CALD1: variants seen among roughly 807,000 people sequenced by gnomAD.
The protein encoded by CALD1 is caldesmon.
Under a neutral mutation model 99.9 loss-of-function variants are expected in CALD1, and 33 were observed. That is an observed-to-expected ratio of 0.33 (90% CI 0.25 to 0.44). CALD1 has a LOEUF of 0.44. CALD1 is among the 20% of genes least tolerant of loss of function. The pLI, the probability that CALD1 is intolerant of heterozygous loss-of-function variation, is 1.00. For missense variants in CALD1, 861 were observed against 962.1 expected, an observed-to-expected ratio of 0.89 and a Z score of 1.39; for synonymous variants, 310 against 325.0, an observed-to-expected ratio of 0.95 and a Z score of 0.50.
Position 134,965,296 on chromosome 7 carries a change from T to C in CALD1, c.2296-10T>C. 1 of 1,498,932 alleles carries C rather than the reference T, an allele frequency of 6.7e-7. No individual in the cohort carries two copies. Among genetic ancestry groups the C allele is most frequent in the South Asian group, 1.1e-5 (1 of 88,678 alleles). 92.9% of individuals were successfully genotyped at this position (1,498,932 alleles called of 1,614,324 possible). On this transcript the variant is annotated splice_polypyrimidine_tract_variant and intron_variant, in intron 13 of 14. Transcript: ENST00000361675. Reference sequence around the variant, plus strand: ...CACCTATCGATGTTTTTCTGCTTCCTTTTTATCAGGACTTGAGACCAGGAG... The same window carrying C: ...CACCTATCGATGTTTTTCTGCTTCCCTTTTATCAGGACTTGAGACCAGGAG...
At chr7:134,831,941 G>C (rs1364915105) in intron 1 of CALD1, among the ~76,000 whole-genome samples, 1 of 152,218 alleles carries the variant, frequency 6.6e-6, no homozygotes, top group African/African-American at 2.4e-5. Context: ...GCGCTTGGAA[G>C]ACATCCAAGC....
chr7:134,759,244 A>G lies in CALD1; in HGVS notation c.-130+14881A>G, dbSNP rs558016717. 2.0e-5 allele frequency among the ~76,000 whole-genome samples: 3 copies of G among 152,340 alleles called. 1 individual carries two copies. In the South Asian group the frequency reaches 6.2e-4, roughly 32 times the overall value. On this transcript the variant is annotated intron_variant, in intron 1 of 13. Coordinates refer to the CALD1 transcript ENST00000417172. Reference sequence around the variant, plus strand: ...ACTGATGCTCTCTTCTGGGCACTGCAGAGTTCATGAGAAAAAAATAGATCT... The same window carrying G: ...ACTGATGCTCTCTTCTGGGCACTGCGGAGTTCATGAGAAAAAAATAGATCT...
upstream of CALD1, among the ~76,000 whole-genome samples, chr7:134,739,914 T>C (rs750492125): frequency 1.3e-5 from 2 of 151,698 alleles, no homozygotes; most frequent in African/African-American, 2.4e-5. Flanking sequence ...TTAAGTCACC[T>C]ATTAAATGAT....
intron 3 of CALD1, among the ~76,000 whole-genome samples, chr7:134,927,844 C>A (rs1168546689): frequency 6.7e-6 from 1 of 149,172 alleles, no homozygotes; most frequent in Non-Finnish European, 1.5e-5. Flanking sequence ...AAACAAAATC[C>A]AAGCAAAGAA....
chr7:134,792,259 C>G (rs181828223), intron 1 of CALD1, among the ~76,000 whole-genome samples: 1 of 149,912 alleles, frequency 6.7e-6, no homozygotes, highest in African/African-American at 2.5e-5. Flanking sequence ...TCTTTCTGAA[C>G]GTGTATCTGC....
upstream of CALD1, among the ~76,000 whole-genome samples, chr7:134,743,467 G>A (rs563733178): frequency 1.1e-4 from 17 of 152,262 alleles, no homozygotes; most frequent in South Asian, 2.5e-3. Flanking sequence ...TCTAAGGGGG[G>A]TGGGAATTGG....
chr7:134,891,558 G>C, intron 3 of CALD1: 1 of 1,564,942 alleles, frequency 6.4e-7, no homozygotes, highest in Non-Finnish European at 8.7e-7. Flanking sequence ...CCCACGCCCT[G>C]ACCGCCCGGC....
At chr7:134,883,976 C>G (rs959773104) in intron 3 of CALD1, among the ~76,000 whole-genome samples, 7 of 152,176 alleles carry the variant, frequency 4.6e-5, no homozygotes, top group Non-Finnish European at 8.8e-5. Flanking sequence ...GTGGCACATG[C>G]CTGTAATCCC....
intron 4 of CALD1, among the ~76,000 whole-genome samples, chr7:134,929,971 A>G (rs1586341318): frequency 6.6e-6 from 1 of 152,160 alleles, no homozygotes; most frequent in African/African-American, 2.4e-5. Flanking sequence ...ATGTTAGTTT[A>G]GTAGAGTCCT....
At chr7:134,757,904 G>A (rs199764919) in intron 1 of CALD1, among the ~76,000 whole-genome samples, 1 of 151,922 alleles carries the variant, frequency 6.6e-6, no homozygotes, top group South Asian at 2.1e-4. Flanking sequence ...AAAAAAAAAG[G>A]AGTCCAGCAA....
chr7:134,824,036 A>C (rs1343162545), intron 1 of CALD1, among the ~76,000 whole-genome samples: 1 of 152,150 alleles, frequency 6.6e-6, no homozygotes, highest in East Asian at 1.9e-4. Context: ...ATGTCATGAA[A>C]GTAGAAGATT....
intron 1 of CALD1, among the ~76,000 whole-genome samples, chr7:134,822,450 C>A (rs1798820184): frequency 6.6e-6 from 1 of 152,122 alleles, no homozygotes; most frequent in African/African-American, 2.4e-5. Context: ...ACTTGTCAAA[C>A]AAGAAAGACA....
chr7:134,917,413 G>A (rs1006417422), intron 3 of CALD1, among the ~76,000 whole-genome samples: 9 of 152,066 alleles, frequency 5.9e-5, no homozygotes, highest in African/African-American at 2.2e-4. Flanking sequence ...CAATGGCGTG[G>A]TCTCAGCTTA....
At chr7:134,728,409 A>G in the CALD1 span, among the ~76,000 whole-genome samples, 3 of 152,228 alleles carry the variant, frequency 2.0e-5, no homozygotes, top group South Asian at 2.1e-4. Flanking sequence ...GCTTGGTTAC[A>G]GCTCAGCGTT....
chr7:134,968,888 G>T lies in CALD1; in HGVS notation c.*543G>T. ...AAAAAAAAAGAAATGTACTGTTAAG[G>T]TATTACTTTTTTTCATGCTGATGAT... On this transcript the variant is annotated 3_prime_UTR_variant, in exon 15 of 15. Coordinates refer to ENST00000361675, the MANE Select transcript of CALD1 (RefSeq NM_033138.4). 5.7e-6 allele frequency: 1 copy of T among 174,458 alleles called. No individual in the cohort carries two copies. The highest frequency in any genetic ancestry group is 1.3e-5 in the Non-Finnish European group (1 of 79,460). 10.8% of individuals were successfully genotyped at this position (174,458 alleles called of 1,614,324 possible). A position where few individuals can be genotyped will look rare whatever the true frequency, so the allele number is the denominator to read the frequency against.
chr7:134,835,667 G>A (rs1252008942), intron 1 of CALD1, among the ~76,000 whole-genome samples: 1 of 152,080 alleles, frequency 6.6e-6, no homozygotes, highest in Non-Finnish European at 1.5e-5. Flanking sequence ...CGTGTAGCCT[G>A]AACTAGAATT....
chr7:134,818,415 G>A (rs9642002), intron 1 of CALD1, among the ~76,000 whole-genome samples: 12,220 of 152,180 alleles, frequency 0.08, 641 homozygotes, highest in Non-Finnish European at 0.11. Flanking sequence ...ACAAATTATT[G>A]CAGAAGATCT....
rs138753181 is a variant in CALD1 at position 134,960,999 on chromosome 7, C to T, written c.2295+371C>T. 53 of 158,914 alleles carry T rather than the reference C, an allele frequency of 3.3e-4. 1 individual carries two copies. Among genetic ancestry groups the T allele is most frequent in the African/African-American group, 9.6e-4 (40 of 41,716 alleles). The allele number at this position is 158,914 out of a possible 1,614,324, so 9.8% of individuals were successfully genotyped here. On this transcript the variant is annotated intron_variant, in intron 13 of 14. Transcript: ENST00000361675. ...ATTTTGGCTACTTCTTTGTCAAGAG[C>T]ACCCCTAAACTTATTCCCAAAAGAA...
At chr7:134,820,380 A>C (rs1242562100) in intron 1 of CALD1, among the ~76,000 whole-genome samples, 1 of 152,210 alleles carries the variant, frequency 6.6e-6, no homozygotes, top group African/African-American at 2.4e-5. Flanking sequence ...AAAATCTAGG[A>C]GAAATCTGTC....
Sources: allele counts gnomAD v4.1 joint callset (sites outside exome capture counted in the v4.1 genomes callset), GRCh38; gene constraint gnomAD v4.1.1; transcripts MANE v1.5; gene names NCBI Gene and HGNC (gene_info 2026-07-23, HGNC 2026-07-21).